PDZD2: variants seen among roughly 807,000 people sequenced by gnomAD.
The protein encoded by PDZD2 is PDZ domain containing 2.
In PDZD2, 90 loss-of-function variants were observed where a neutral mutation model predicts 220.7. The observed-to-expected ratio is 0.41, with a 90% CI of 0.34 to 0.49. The LOEUF (loss-of-function observed/expected upper bound fraction) is 0.49. Ranked by LOEUF, PDZD2 falls within the 20% of genes least tolerant of loss-of-function variation. The pLI is 0.28. For missense variants in PDZD2, 3,174 were observed against 3,608.5 expected (o/e 0.88, Z 3.08); for synonymous variants, 1,375 against 1,450.5 (o/e 0.95, Z 1.18).
chr5:32,037,280 A>G lies in PDZD2; in HGVS notation c.1457A>G (p.Lys486Arg), dbSNP rs767992955. The part of the protein sequence containing the change: ...PQDVCGAEES[K>R]GNLESPKQGS... ...GATGTGTGCGGTGCTGAGGAATCCA[A>G]GGGGAACTTGGAAAGTCCCAAACAG... The change falls in exon 7 of 25, where the codon AAG becomes AGG. Residue 486 changes from lysine to arginine, a missense_variant. Lys to Arg is a conservative substitution (Grantham distance 26). Transcript: ENST00000438447. 6.2e-6 allele frequency: 10 copies of G among 1,613,874 alleles called. No individual in the cohort carries two copies. Among genetic ancestry groups the G allele is most frequent in the Non-Finnish European group, 7.6e-6 (9 of 1,179,840 alleles).
rs202070501 is a variant in PDZD2 at position 32,022,192 on chromosome 5, TG to T, written c.1407+11711del. Among the ~76,000 whole-genome samples, 69 of 144,246 alleles carry T rather than the reference TG, an allele frequency of 4.8e-4. 1 individual carries two copies. The highest frequency in any genetic ancestry group is 9.0e-4 in the African/African-American group (34 of 37,610). 94.6% of individuals were successfully genotyped at this position (144,246 alleles called of 152,430 possible). On this transcript the variant is annotated intron_variant, in intron 6 of 24. Transcript: ENST00000438447. ...TTTTCGTTTTGTTTTTTTGTTTTTT[TG>T]TTTTTTGTTTTTTTTTGGAGTTGGG...
rs56394577 is a variant in PDZD2 at position 31,831,911 on chromosome 5, C to CAAAAAAAAA, written c.476+32202_476+32210dup. Among the ~76,000 whole-genome samples the CAAAAAAAAA allele has an allele frequency of 3.9e-4, 25 of 63,602 alleles. 1 individual carries two copies. The highest frequency in any genetic ancestry group is 5.4e-4 in the Non-Finnish European group (20 of 37,266). 41.7% of individuals were successfully genotyped at this position (63,602 alleles called of 152,430 possible). On this transcript the variant is annotated intron_variant, in intron 2 of 24. Transcript: ENST00000438447. ...CCTGGGTGACAGAGTGAGACTGTTT[C>CAAAAAAAAA]AAAAAAAAAAAAAAAAAAAAAAAGA...
chr5:31,689,353 A>ATTTTTTT (rs1160111594), intron 1 of PDZD2, among the ~76,000 whole-genome samples: 20 of 35,118 alleles, frequency 5.7e-4, no homozygotes, highest in African/African-American at 8.3e-4. Context: ...ATATATATAT[A>ATTTTTTT]TTTTTTTTTT....
chr5:31,678,018 A>G (rs935442153), intron 1 of PDZD2, among the ~76,000 whole-genome samples: 1 of 152,182 alleles, frequency 6.6e-6, no homozygotes, highest in Non-Finnish European at 1.5e-5. Context: ...AGATGGTTTC[A>G]TAGGTTAAAA....
chr5:32,037,433 C>T (rs779285634), intron 7 of PDZD2, 91 bp downstream of exon 7: 47 of 732,760 alleles, frequency 6.4e-5, no homozygotes, highest in Non-Finnish European at 1.0e-4. Flanking sequence ...GATGAGCTCC[C>T]GTCTTCCTTA....
At chr5:31,784,233 T>A (rs1271556988) in intron 1 of PDZD2, among the ~76,000 whole-genome samples, 1 of 152,190 alleles carries the variant, frequency 6.6e-6, no homozygotes, top group Non-Finnish European at 1.5e-5. Flanking sequence ...GCCACTTTGC[T>A]AGCTCCTGTA....
At chr5:32,073,560 A>G (rs1740958180) in intron 17 of PDZD2, among the ~76,000 whole-genome samples, 1 of 149,368 alleles carries the variant, frequency 6.7e-6, no homozygotes, top group South Asian at 2.2e-4. Flanking sequence ...CTGTCTTCCA[A>G]CAGCACACGT....
intron 2 of PDZD2, among the ~76,000 whole-genome samples, chr5:31,924,683 G>C (rs566430588): frequency 6.6e-6 from 1 of 152,336 alleles, no homozygotes; most frequent in East Asian, 1.9e-4. Context: ...TTCTGGTCTT[G>C]AGACGTAGCC....
rs189667503 is a variant in PDZD2, at chr5:31,908,078, G to A, written c.477-75077G>A. On this transcript the variant is annotated intron_variant, in intron 2 of 24. Transcript: ENST00000438447. Reference sequence around the variant, plus strand: ...AGCCTGGGTGACAGAGCCAGGCTCCGTCTCAAAAAAAAAAAAAAAAAAAAA... The same window carrying A: ...AGCCTGGGTGACAGAGCCAGGCTCCATCTCAAAAAAAAAAAAAAAAAAAAA... 9.5e-3 allele frequency among the ~76,000 whole-genome samples: 659 copies of A among 69,432 alleles called. 4 individuals carry two copies. Among genetic ancestry groups the A allele is most frequent in the Middle Eastern group, 0.044 (3 of 68 alleles). The allele number at this position is 69,432 out of a possible 152,430, so 45.6% of individuals were successfully genotyped here. A position where few individuals can be genotyped will look rare whatever the true frequency, so the allele number is the denominator to read the frequency against.
intron 2 of PDZD2, among the ~76,000 whole-genome samples, chr5:31,906,204 T>C (rs1742631387): frequency 2.6e-5 from 1 of 38,322 alleles, no homozygotes; most frequent in East Asian, 3.6e-4. Context: ...GAAGTAATTT[T>C]AACTGAGATA....
chr5:31,700,534 G>C (rs534093706), intron 1 of PDZD2, among the ~76,000 whole-genome samples: 30 of 152,252 alleles, frequency 2.0e-4, no homozygotes, highest in Admixed American at 8.5e-4. Flanking sequence ...TGTGCAGTTT[G>C]TTCAGGCCAG....
rs186640768 is a variant in PDZD2 at position 31,740,168 on chromosome 5, C to T, written c.-360-58721C>T. On this transcript the variant is annotated intron_variant, in intron 1 of 24. Transcript: ENST00000438447. ...TAAAGCCATGTTTCTTCTCCTGTTGCGATTCTTCAAAGAAATGCTTCAGGA... is the reference window on the plus strand; with the variant it reads ...TAAAGCCATGTTTCTTCTCCTGTTGTGATTCTTCAAAGAAATGCTTCAGGA... Among the ~76,000 whole-genome samples the T allele has an allele frequency of 2.1e-4, 32 of 152,078 alleles. No homozygotes were observed. In the East Asian group the frequency reaches 5.0e-3, roughly 24 times the overall value.
Position 31,983,556 on chromosome 5 carries a change from G to A in PDZD2, c.878G>A (p.Arg293Lys). ...RSEVDRGTEH[R>K]IPKTDAPLTT... ...GAAGTGGACAGAGGGACAGAGCATA[G>A]AATTCCAAAGACAGATGCTCCTCTG... is the stretch of plus-strand genomic sequence containing the variant. Residue 293 changes from arginine to lysine, a missense_variant, in exon 3 of 25, where the codon AGA becomes AAA. By Grantham distance (26) the Arg-to-Lys change is conservative. Around this residue, in one of 4 missense-constraint regions of PDZD2, gnomAD observed 632 missense variants for 708.1 expected, o/e 0.89. Transcript: ENST00000438447. 6.2e-7 allele frequency: 1 copy of A among 1,614,166 alleles called. No homozygotes were observed. Among genetic ancestry groups the A allele is most frequent in the South Asian group, 1.1e-5 (1 of 91,086 alleles).
At chr5:31,834,316 A>G (rs1242089449) in intron 2 of PDZD2, among the ~76,000 whole-genome samples, 1 of 152,160 alleles carries the variant, frequency 6.6e-6, no homozygotes, top group Non-Finnish European at 1.5e-5. Context: ...ATATGCCCAT[A>G]TTCTCCATTT....
At chr5:31,860,244 C>T (rs1026040606) in intron 2 of PDZD2, among the ~76,000 whole-genome samples, 5 of 152,128 alleles carry the variant, frequency 3.3e-5, no homozygotes, top group African/African-American at 1.2e-4. Flanking sequence ...ACACAGATTG[C>T]AGAATTTCAG....
At chr5:31,946,089 G>A (rs565431348) in intron 2 of PDZD2, among the ~76,000 whole-genome samples, 1 of 152,306 alleles carries the variant, frequency 6.6e-6, no homozygotes, top group Non-Finnish European at 1.5e-5. Context: ...TGCAACCTCT[G>A]CCTCTCAGGT....
intron 19 of PDZD2, among the ~76,000 whole-genome samples, chr5:32,086,843 A>ATTTTTTTTTTTTTTT (rs10710224): frequency 1.2e-5 from 1 of 85,212 alleles, no homozygotes; most frequent in Non-Finnish European, 2.2e-5. Flanking sequence ...TGCCCAGCTA[A>ATTTTTTTTTTTTTTT]TTTTTTTTTT....
chr5:31,916,791 T>A (rs1282579745), intron 2 of PDZD2, among the ~76,000 whole-genome samples: 1 of 152,136 alleles, frequency 6.6e-6, no homozygotes, highest in Non-Finnish European at 1.5e-5. Flanking sequence ...AAAATTAGTG[T>A]CCAGATGCCT....
intron 21 of PDZD2, among the ~76,000 whole-genome samples, chr5:32,093,631 A>G (rs1235639645): frequency 6.6e-6 from 1 of 152,226 alleles, no homozygotes; most frequent in Non-Finnish European, 1.5e-5. Context: ...TATATGTATT[A>G]TATACTGTCT....
Sources: gnomAD v4.1 joint callset for allele counts (sites outside exome capture counted in the v4.1 genomes callset) on GRCh38, gnomAD v4.1.1 for gene constraint, gnomAD v4.1.1 regional missense constraint, MANE v1.5 for transcripts, NCBI Gene and HGNC (gene_info 2026-07-23, HGNC 2026-07-21) for gene names.